SMARCC1: variants seen among roughly 807,000 people sequenced by gnomAD.
SMARCC1 encodes the protein SWI/SNF complex subunit SMARCC1.
SMARCC1 carries 43 observed loss-of-function variants against 147.4 expected under a neutral mutation model. That is an observed-to-expected ratio of 0.29 (90% CI 0.23 to 0.38). The LOEUF (loss-of-function observed/expected upper bound fraction) is 0.38, where lower values mean the gene tolerates loss of function less well. Ranked by LOEUF, SMARCC1 falls within the 10% of genes least tolerant of loss-of-function variation. SMARCC1 has a pLI of 1.00. For missense variants in SMARCC1, 1,119 were observed against 1,381.1 expected, an observed-to-expected ratio of 0.81 and a Z score of 3.01; for synonymous variants, 495 against 484.4, an observed-to-expected ratio of 1.02 and a Z score of -0.29.
At chr3:47,714,721 G>A (rs892352430) in intron 7 of SMARCC1, among the ~76,000 whole-genome samples, 4 of 152,060 alleles carry the variant, frequency 2.6e-5, no homozygotes, top group Non-Finnish European at 5.9e-5. Flanking sequence ...TTGAACCCAG[G>A]AGGCAGAGGT....
intron 19 of SMARCC1, chr3:47,663,566 C>A: frequency 7.8e-7 from 1 of 1,278,166 alleles, no homozygotes; most frequent in Non-Finnish European, 1.1e-6. Flanking sequence ...ACAAACACAG[C>A]AAGACCCTGT....
chr3:47,712,810 C>T (rs1295964006), intron 8 of SMARCC1, among the ~76,000 whole-genome samples: 1 of 152,124 alleles, frequency 6.6e-6, no homozygotes, highest in Admixed American at 6.6e-5. Flanking sequence ...TTGGGTAAAA[C>T]TACTTAACTT....
At chr3:47,717,837 G>A (rs947286407) in intron 7 of SMARCC1, among the ~76,000 whole-genome samples, 6 of 151,922 alleles carry the variant, frequency 3.9e-5, no homozygotes, top group Non-Finnish European at 7.4e-5. Context: ...AAAGTGCTGG[G>A]ATTACAGGCA....
intron 15 of SMARCC1, chr3:47,680,153 C>T: frequency 3.6e-6 from 1 of 276,884 alleles, no homozygotes; most frequent in Non-Finnish European, 6.7e-6. Flanking sequence ...GTTCAGGGGG[C>T]AGAGATTTCT....
intron 11 of SMARCC1, among the ~76,000 whole-genome samples, chr3:47,694,376 G>T (rs1444207124): frequency 1.3e-5 from 2 of 152,154 alleles, no homozygotes; most frequent in African/African-American, 4.8e-5. Context: ...TGAGGCAGGT[G>T]TATCACTTGA....
intron 11 of SMARCC1, among the ~76,000 whole-genome samples, chr3:47,699,764 G>C (rs1170538614): frequency 6.6e-6 from 1 of 151,910 alleles, no homozygotes. Flanking sequence ...GCTCTGTTTA[G>C]TGCCATATAA....
chr3:47,702,382 C>T (rs772795215), intron 10 of SMARCC1, among the ~76,000 whole-genome samples: 2 of 151,872 alleles, frequency 1.3e-5, no homozygotes, highest in African/African-American at 2.4e-5. Flanking sequence ...AATAAAAGTA[C>T]CAAGAAAATA....
chr3:47,618,928 C>T (rs1465777284), intron 25 of SMARCC1, among the ~76,000 whole-genome samples: 1 of 152,206 alleles, frequency 6.6e-6, no homozygotes, highest in African/African-American at 2.4e-5. Context: ...AGATGTCTTA[C>T]TGCCAGTGGG....
intron 5 of SMARCC1, among the ~76,000 whole-genome samples, chr3:47,735,168 C>A (rs895274071): frequency 5.3e-5 from 8 of 152,062 alleles, no homozygotes; most frequent in African/African-American, 1.4e-4. Context: ...AATTATGTTA[C>A]CAACTCTATT....
chr3:47,778,859 G>A (rs979924728), intron 1 of SMARCC1, among the ~76,000 whole-genome samples: 5 of 151,580 alleles, frequency 3.3e-5, no homozygotes, highest in African/African-American at 1.2e-4. Context: ...GTGGTGGTTC[G>A]TGCCTGTAGT....
chr3:47,765,254 A>T (rs890070613), intron 2 of SMARCC1, among the ~76,000 whole-genome samples: 3 of 152,130 alleles, frequency 2.0e-5, no homozygotes, highest in Non-Finnish European at 2.9e-5. Context: ...TCTGTCTCAA[A>T]AACAAAAACA....
intron 1 of SMARCC1, among the ~76,000 whole-genome samples, chr3:47,777,232 G>A (rs2034985979): frequency 6.6e-6 from 1 of 150,684 alleles, no homozygotes; most frequent in Non-Finnish European, 1.5e-5. Context: ...ACAGGCGCAC[G>A]CCACCACGCC....
intron 1 of SMARCC1, among the ~76,000 whole-genome samples, chr3:47,775,698 G>C (rs1195713452): frequency 6.6e-6 from 1 of 151,888 alleles, no homozygotes; most frequent in Non-Finnish European, 1.5e-5. Context: ...CTTGAACCCA[G>C]GAGGCGCAGG....
intron 2 of SMARCC1, among the ~76,000 whole-genome samples, chr3:47,749,586 G>C (rs2106845524): frequency 6.9e-6 from 1 of 144,792 alleles, no homozygotes; most frequent in East Asian, 2.1e-4. Context: ...TGGATTGCTT[G>C]AGCTTGGGAA....
Position 47,749,854 on chromosome 3 carries a change from G to A in SMARCC1, c.316-3861C>T, listed in dbSNP as rs191744056. 1.4e-3 allele frequency among the ~76,000 whole-genome samples: 216 copies of A among 152,012 alleles called. No individual in the cohort carries two copies. In the Middle Eastern group the frequency reaches 0.027, roughly 19 times the overall value. On this transcript the variant is annotated intron_variant, in intron 2 of 27. Coordinates refer to ENST00000254480, the MANE Select transcript of SMARCC1 (RefSeq NM_003074.4). ...TCCGAGCACTTTGGGAGGCCGAGGCGGGTGGATCACGAGGTCAGGAGATCG... is the reference window on the plus strand; with the variant it reads ...TCCGAGCACTTTGGGAGGCCGAGGCAGGTGGATCACGAGGTCAGGAGATCG...
chr3:47,601,596 G>A (rs947471791), intron 26 of SMARCC1: 1 of 151,336 alleles, frequency 6.6e-6, no homozygotes. Flanking sequence ...CTGCTACTCC[G>A]GAAAGTAGCA....
chr3:47,703,193 C>T (rs2033947209), intron 10 of SMARCC1, among the ~76,000 whole-genome samples: 1 of 152,186 alleles, frequency 6.6e-6, no homozygotes, highest in Non-Finnish European at 1.5e-5. Flanking sequence ...CTCAGCCTCC[C>T]AAAGTGCTAG....
Position 47,673,395 on chromosome 3 carries a change from A to G in SMARCC1, c.1839+2080T>C, listed in dbSNP as rs868545511. 6.5e-3 allele frequency among the ~76,000 whole-genome samples: 104 copies of G among 15,882 alleles called. 5 individuals carry two copies. The Admixed American group carries it at 0.066, about 10-fold the overall frequency. 10.4% of individuals were successfully genotyped at this position (15,882 alleles called of 152,430 possible). Reference sequence around the variant, plus strand: ...AGCGAGACTCTGTCTCAAAAAAAAAAGGGTGGGGGGGGGGCAGGCCAGTGG... The same window carrying G: ...AGCGAGACTCTGTCTCAAAAAAAAAGGGGTGGGGGGGGGGCAGGCCAGTGG... On this transcript the variant is annotated intron_variant, in intron 18 of 27. Coordinates refer to ENST00000254480, the MANE Select transcript of SMARCC1 (RefSeq NM_003074.4).
At chr3:47,624,555 TAGC>T (rs2032779910) in intron 24 of SMARCC1, among the ~76,000 whole-genome samples, 1 of 152,152 alleles carries the variant, frequency 6.6e-6, no homozygotes, top group African/African-American at 2.4e-5. Context: ...ATTTCCTATA[TAGC>T]AATCTGTAAC....
Sources: gnomAD v4.1 joint callset for allele counts (sites outside exome capture counted in the v4.1 genomes callset) on GRCh38, gnomAD v4.1.1 for gene constraint, MANE v1.5 for transcripts, NCBI Gene and HGNC (gene_info 2026-07-23, HGNC 2026-07-21) for gene names.